ATXN1: variants seen among roughly 807,000 people sequenced by gnomAD.
The protein encoded by ATXN1 is ataxin 1.
In ATXN1, 8 loss-of-function variants were observed where a neutral mutation model predicts 56.4. That is an observed-to-expected ratio of 0.14 (90% CI 0.08 to 0.26). The LOEUF (loss-of-function observed/expected upper bound fraction) is 0.26. Ranked by LOEUF, ATXN1 falls within the 10% of genes least tolerant of loss-of-function variation. The probability of loss-of-function intolerance (pLI) is 1.00; values close to 1 mark genes in which losing one functional copy is unlikely to be tolerated. For missense variants in ATXN1, 987 were observed against 1,106.5 expected, an observed-to-expected ratio of 0.89 and a Z score of 1.53; for synonymous variants, 514 against 494.6, an observed-to-expected ratio of 1.04 and a Z score of -0.52.
chr6:16,708,778 C>G (rs1450533462), intron 2 of ATXN1, among the ~76,000 whole-genome samples: 1 of 152,114 alleles, frequency 6.6e-6, no homozygotes, highest in Non-Finnish European at 1.5e-5. Context: ...ATAATCCTAG[C>G]ACTTTGGGAG....
intron 7 of ATXN1, among the ~76,000 whole-genome samples, chr6:16,311,357 C>A (rs1244254851): frequency 6.6e-6 from 1 of 152,166 alleles, no homozygotes; most frequent in Non-Finnish European, 1.5e-5. Context: ...CTCCTGACCT[C>A]TACCCTTGTG....
chr6:16,529,048 G>C (rs1761448850), intron 4 of ATXN1, among the ~76,000 whole-genome samples: 1 of 151,954 alleles, frequency 6.6e-6, no homozygotes, highest in African/African-American at 2.4e-5. Context: ...GCATGGCGGT[G>C]TGTGCCTGTA....
chr6:16,393,569 A>C (rs1758397486), intron 6 of ATXN1, among the ~76,000 whole-genome samples: 1 of 152,198 alleles, frequency 6.6e-6, no homozygotes, highest in South Asian at 2.1e-4. Flanking sequence ...ATGTGACTCT[A>C]TCTCTACATT....
chr6:16,753,219 C>A lies in ATXN1; in HGVS notation c.-615+14G>T, dbSNP rs760260414. The A allele has an allele frequency of 4.4e-6, 2 of 456,458 alleles. No individual in the cohort carries two copies. The highest frequency in any genetic ancestry group is 8.8e-6 in the Non-Finnish European group (2 of 226,926). 28.3% of individuals were successfully genotyped at this position (456,458 alleles called of 1,614,324 possible). A position where few individuals can be genotyped will look rare whatever the true frequency, so the allele number is the denominator to read the frequency against. On this transcript the variant is annotated intron_variant, in intron 2 of 7. Transcript: ENST00000436367. Reference sequence around the variant, plus strand: ...TCCTCAGATGGAAAACAGAGAGCATCGCAAAACTCTCACCTGACATGTGAT... The same window carrying A: ...TCCTCAGATGGAAAACAGAGAGCATAGCAAAACTCTCACCTGACATGTGAT...
intron 3 of ATXN1, among the ~76,000 whole-genome samples, chr6:16,657,564 A>G (rs1758232243): frequency 6.6e-6 from 1 of 152,204 alleles, no homozygotes; most frequent in Non-Finnish European, 1.5e-5. Flanking sequence ...TATTCAGATC[A>G]TACTATTCTG....
At chr6:16,673,618 T>C (rs1005725213) in intron 2 of ATXN1, among the ~76,000 whole-genome samples, 4 of 152,172 alleles carry the variant, frequency 2.6e-5, no homozygotes, top group Non-Finnish European at 4.4e-5. Context: ...TTGTAGGATA[T>C]GATATTGATT....
chr6:16,636,824 GC>G (rs1763605654), intron 3 of ATXN1, among the ~76,000 whole-genome samples: 2 of 152,200 alleles, frequency 1.3e-5, no homozygotes, highest in Admixed American at 6.5e-5. Flanking sequence ...CCTAACGACG[GC>G]CTGGGAATAA....
chr6:16,514,952 C>T (rs1219016796), intron 5 of ATXN1, among the ~76,000 whole-genome samples: 1 of 151,662 alleles, frequency 6.6e-6, no homozygotes, highest in African/African-American at 2.4e-5. Flanking sequence ...CACTGCACTC[C>T]AGCCTGGCGA....
At chr6:16,503,646 C>A (rs1340906232) in intron 5 of ATXN1, among the ~76,000 whole-genome samples, 1 of 152,158 alleles carries the variant, frequency 6.6e-6, no homozygotes, top group Non-Finnish European at 1.5e-5. Flanking sequence ...AAAATGTATT[C>A]ATAGTTATAT....
chr6:16,675,811 C>T (rs934939819), intron 2 of ATXN1, among the ~76,000 whole-genome samples: 1 of 152,038 alleles, frequency 6.6e-6, no homozygotes, highest in Non-Finnish European at 1.5e-5. Flanking sequence ...ATCACTTGAA[C>T]CTGGGAGGTG....
intron 6 of ATXN1, among the ~76,000 whole-genome samples, chr6:16,448,518 T>C (rs963375194): frequency 1.3e-5 from 2 of 152,166 alleles, no homozygotes; most frequent in African/African-American, 4.8e-5. Context: ...ATCCTAAAAC[T>C]TACTCCTTCT....
intron 6 of ATXN1, among the ~76,000 whole-genome samples, chr6:16,461,023 A>C (rs1413089745): frequency 2.6e-5 from 4 of 152,246 alleles, no homozygotes; most frequent in African/African-American, 9.6e-5. Flanking sequence ...GAGTTATTGC[A>C]CACAGTGCAA....
chr6:16,739,598 G>A (rs1473002324), intron 2 of ATXN1: 1 of 314,412 alleles, frequency 3.2e-6, no homozygotes, highest in African/African-American at 2.2e-5. Flanking sequence ...GACAAAAGGT[G>A]TGTAGCTGCA....
At chr6:16,396,058 G>GCCT (rs1758452681) in intron 6 of ATXN1, among the ~76,000 whole-genome samples, 1 of 138,830 alleles carries the variant, frequency 7.2e-6, no homozygotes, top group Non-Finnish European at 1.5e-5. Flanking sequence ...ACTGTAAACA[G>GCCT]CCTCAGGCAG....
intron 5 of ATXN1, among the ~76,000 whole-genome samples, chr6:16,518,564 CTT>C (rs749220173): frequency 1.3e-5 from 2 of 152,190 alleles, no homozygotes; most frequent in African/African-American, 2.4e-5. Flanking sequence ...CCTCAATACT[CTT>C]GTCTTATTTC....
chr6:16,692,919 G>C (rs935072743), intron 2 of ATXN1, among the ~76,000 whole-genome samples: 1 of 152,188 alleles, frequency 6.6e-6, no homozygotes, highest in East Asian at 1.9e-4. Context: ...GATATGGATA[G>C]ATAAGCTTTC....
chr6:16,399,213 G>C (rs1225819493), intron 6 of ATXN1, among the ~76,000 whole-genome samples: 1 of 152,202 alleles, frequency 6.6e-6, no homozygotes, highest in African/African-American at 2.4e-5. Flanking sequence ...AATGCACAGA[G>C]AAATTCTTAG....
At chr6:16,360,101 T>A (rs1452447758) in intron 6 of ATXN1, among the ~76,000 whole-genome samples, 1 of 151,592 alleles carries the variant, frequency 6.6e-6, no homozygotes, top group African/African-American at 2.4e-5. Context: ...CAGAAGAAAA[T>A]TAAGACATCA....
intron 5 of ATXN1, among the ~76,000 whole-genome samples, chr6:16,503,170 T>C (rs1036292364): frequency 6.6e-6 from 1 of 152,208 alleles, no homozygotes; most frequent in Non-Finnish European, 1.5e-5. Context: ...TATCTAGTTT[T>C]ATCGGTTCCT....
Sources: gnomAD v4.1 joint callset for allele counts (sites outside exome capture counted in the v4.1 genomes callset) on GRCh38, gnomAD v4.1.1 for gene constraint, MANE v1.5 for transcripts, NCBI Gene and HGNC (gene_info 2026-07-23, HGNC 2026-07-21) for gene names.